EREG: variants seen among roughly 807,000 people sequenced by gnomAD.
EREG encodes proepiregulin.
A neutral mutation model predicts 22.4 loss-of-function variants in EREG; 23 were observed. That is an observed-to-expected ratio of 1.03 (90% CI 0.74 to 1.46). The LOEUF (loss-of-function observed/expected upper bound fraction) is 1.46, where lower values mean the gene tolerates loss of function less well. Ranked by LOEUF, EREG falls within the 40% of genes most tolerant of loss-of-function variation. The pLI, the probability that EREG is intolerant of heterozygous loss-of-function variation, is 0.00. For synonymous variants in EREG, 100 were observed against 75.4 expected (o/e 1.33, Z -1.69); for missense variants, 226 against 205.9 (o/e 1.10, Z -0.60).
Position 74,384,861 on chromosome 4 carries a change from A to G in EREG, c.*53A>G, listed in dbSNP as rs138440902. ...ATAACAGTGTGCCTGGTTAATATTA[A>G]TATTCCCATTTTATTAATAATATTT... On this transcript the variant is annotated 3_prime_UTR_variant, in exon 5 of 5. Transcript: ENST00000244869. The G allele has an allele frequency of 5.0e-6, 5 of 1,007,782 alleles. No individual in the cohort carries two copies. The African/African-American group carries it at 6.4e-5, about 13-fold the overall frequency. The allele number at this position is 1,007,782 out of a possible 1,614,324, so 62.4% of individuals were successfully genotyped here. A position where few individuals can be genotyped will look rare whatever the true frequency, so the allele number is the denominator to read the frequency against.
rs550471626 is a variant in EREG, at chr4:74,387,041, A to T, written c.*2233A>T. 8.5e-5 allele frequency: 13 copies of T among 152,336 alleles called. No individual in the cohort carries two copies. Among genetic ancestry groups the T allele is most frequent in the Admixed American group, 8.5e-4 (13 of 15,294 alleles). 9.4% of individuals were successfully genotyped at this position (152,336 alleles called of 1,614,324 possible). On this transcript the variant is annotated 3_prime_UTR_variant, in exon 5 of 5. Transcript: ENST00000244869. ...CCTAACCTTGAGATCCACCCTCCAC[A>T]GCCTCCCAAACTGCTGGGATTACAG...
chr4:74,371,065 C>G (rs1041604194), intron 1 of EREG, among the ~76,000 whole-genome samples: 5 of 152,100 alleles, frequency 3.3e-5, no homozygotes, highest in Non-Finnish European at 7.4e-5. Flanking sequence ...GTCGTGACAA[C>G]CATCATAGTC....
chr4:74,369,653 A>G (rs1195084057), intron 1 of EREG, among the ~76,000 whole-genome samples: 1 of 152,208 alleles, frequency 6.6e-6, no homozygotes, highest in Non-Finnish European at 1.5e-5. Context: ...TTGAGGCATG[A>G]AAGTGATTGA....
intron 3 of EREG, chr4:74,381,835 A>G (rs796275406): frequency 7.8e-6 from 1 of 127,970 alleles, no homozygotes; most frequent in African/African-American, 3.0e-5. Context: ...AAAAAAAAAA[A>G]TTAGCCAGGG....
chr4:74,373,879 A>G lies in EREG; in HGVS notation c.68-5569A>G, dbSNP rs1379241408. Among the ~76,000 whole-genome samples the G allele has an allele frequency of 3.3e-5, 5 of 152,236 alleles. No individual in the cohort carries two copies. The East Asian group carries it at 7.7e-4, about 23-fold the overall frequency. On this transcript the variant is annotated intron_variant, in intron 1 of 4. Coordinates refer to ENST00000244869, the MANE Select transcript of EREG (RefSeq NM_001432.3). ...AGAGTTATTTTGACCAAGGTGAAGC[A>G]AGAGCTTATCAAATAGTGGAATTAA... is the stretch of plus-strand genomic sequence containing the variant.
rs1338812287 is a variant in EREG, at chr4:74,367,380, T to G, written c.67+2005T>G. 2.0e-5 allele frequency among the ~76,000 whole-genome samples: 3 copies of G among 152,228 alleles called. 1 individual carries two copies. Among genetic ancestry groups the G allele is most frequent in the Admixed American group, 1.3e-4 (2 of 15,280 alleles). The stretch of plus-strand genomic sequence containing the variant: ...TAAGTAGAAGAGTTGAAATACCGGA[T>G]AACATTTTTTTAAATAATCTATAAT... On this transcript the variant is annotated intron_variant, in intron 1 of 4. Coordinates refer to ENST00000244869, the MANE Select transcript of EREG (RefSeq NM_001432.3).
At chr4:74,383,166 A>G (rs908788856) in intron 4 of EREG, among the ~76,000 whole-genome samples, 1 of 152,202 alleles carries the variant, frequency 6.6e-6, no homozygotes, top group African/African-American at 2.4e-5. Context: ...GAGAGTATCA[A>G]TTCCCTTCTT....
At chr4:74,379,179 C>A (rs919966232) in intron 1 of EREG, among the ~76,000 whole-genome samples, 1 of 152,156 alleles carries the variant, frequency 6.6e-6, no homozygotes, top group Admixed American at 6.6e-5. Flanking sequence ...AAAATCAAAT[C>A]TTTGAAAATG....
Position 74,365,194 on chromosome 4 carries a change from C to A in EREG, c.-115C>A. ...GAGGGACACAGCCAACGTGGGGTCC[C>A]TTCTAGGCTGACAGCCGCTCTCCAG... On this transcript the variant is annotated 5_prime_UTR_variant, in exon 1 of 5. Transcript: ENST00000244869. 1.3e-6 allele frequency: 1 copy of A among 784,834 alleles called. No individual in the cohort carries two copies. 48.6% of individuals were successfully genotyped at this position (784,834 alleles called of 1,614,324 possible).
At chr4:74,379,427 T>A in intron 1 of EREG, 21 bp from the exon 2 acceptor site, 1 of 1,429,846 alleles carries the variant, frequency 7.0e-7, no homozygotes, top group Non-Finnish European at 9.9e-7. Flanking sequence ...AGTTATATAT[T>A]CGATTTTTCT....
chr4:74,384,915 A>G lies in EREG; in HGVS notation c.*107A>G, dbSNP rs1047432339. 14 of 583,220 alleles carry G rather than the reference A, an allele frequency of 2.4e-5. No individual in the cohort carries two copies. The highest frequency in any genetic ancestry group is 3.9e-5 in the Non-Finnish European group (13 of 332,696). The allele number at this position is 583,220 out of a possible 1,614,324, so 36.1% of individuals were successfully genotyped here. On this transcript the variant is annotated 3_prime_UTR_variant, in exon 5 of 5. Coordinates refer to ENST00000244869, the MANE Select transcript of EREG (RefSeq NM_001432.3). The stretch of plus-strand genomic sequence containing the variant: ...TTGGGTCAAGTGTTAGGTCAATAAC[A>G]CTGTATTTTAATGTACTTGAAAAAT...
intron 1 of EREG, among the ~76,000 whole-genome samples, chr4:74,375,306 C>CTTTTTTTTTTTTTTTTTT (rs71219383): frequency 1.6e-5 from 1 of 61,014 alleles, no homozygotes; most frequent in Non-Finnish European, 2.7e-5. Context: ...ACTAGCGATT[C>CTTTTTTTTTTTTTTTTTT]TTTTTTTTTT....
Position 74,387,401 on chromosome 4 carries a change from G to A in EREG, c.*2593G>A, listed in dbSNP as rs1752586652. On this transcript the variant is annotated 3_prime_UTR_variant, in exon 5 of 5. Coordinates refer to ENST00000244869, the MANE Select transcript of EREG (RefSeq NM_001432.3). ...TTCATTTACAAAAGATTTATTGTAA[G>A]CATCTCAATCTTGGTTTGTCAGTTT... is the stretch of plus-strand genomic sequence containing the variant. 6.6e-6 allele frequency: 1 copy of A among 152,024 alleles called. No individual in the cohort carries two copies. The highest frequency in any genetic ancestry group is 1.5e-5 in the Non-Finnish European group (1 of 68,022). The allele number at this position is 152,024 out of a possible 1,614,324, so 9.4% of individuals were successfully genotyped here. A position where few individuals can be genotyped will look rare whatever the true frequency, so the allele number is the denominator to read the frequency against.
rs926391363 is a variant in EREG at position 74,385,065 on chromosome 4, A to G, written c.*257A>G. The G allele has an allele frequency of 8.8e-6, 3 of 339,042 alleles. No individual in the cohort carries two copies. Among genetic ancestry groups the G allele is most frequent in the African/African-American group, 2.1e-5 (1 of 47,694 alleles). 21.0% of individuals were successfully genotyped at this position (339,042 alleles called of 1,614,324 possible). On this transcript the variant is annotated 3_prime_UTR_variant, in exon 5 of 5. Coordinates refer to ENST00000244869, the MANE Select transcript of EREG (RefSeq NM_001432.3). Reference sequence around the variant, plus strand: ...TTTCCTGAGCTAAATGCTTCATTGAAAGCTTCAAAGTTTATATGCCTGGTG... The same window carrying G: ...TTTCCTGAGCTAAATGCTTCATTGAGAGCTTCAAAGTTTATATGCCTGGTG...
intron 1 of EREG, among the ~76,000 whole-genome samples, chr4:74,373,172 A>G (rs1008847188): frequency 6.6e-6 from 1 of 151,862 alleles, no homozygotes; most frequent in Non-Finnish European, 1.5e-5. Context: ...CTTTAAATTC[A>G]TATTTAGTGC....
Position 74,385,571 on chromosome 4 carries a change from TG to T in EREG, c.*764del, listed in dbSNP as rs1356192022. On this transcript the variant is annotated 3_prime_UTR_variant, in exon 5 of 5. Transcript: ENST00000244869. ...TCATAGCTTCACAATGTTCCTTTTT[TG>T]TATATTACAACATTTATGTGAGGTA... The T allele has an allele frequency of 7.8e-6, 2 of 256,734 alleles. No homozygotes were observed. The highest frequency in any genetic ancestry group is 1.5e-5 in the Non-Finnish European group (2 of 137,282). 15.9% of individuals were successfully genotyped at this position (256,734 alleles called of 1,614,324 possible). A position where few individuals can be genotyped will look rare whatever the true frequency, so the allele number is the denominator to read the frequency against.
chr4:74,372,215 A>G (rs1752302834), intron 1 of EREG, among the ~76,000 whole-genome samples: 1 of 152,158 alleles, frequency 6.6e-6, no homozygotes, highest in African/African-American at 2.4e-5. Flanking sequence ...ATTTTCATAA[A>G]CTATATTATC....
intron 3 of EREG, 139 bp from the exon 4 acceptor site, chr4:74,382,506 T>C: frequency 1.6e-6 from 1 of 626,528 alleles, no homozygotes; most frequent in Non-Finnish European, 2.8e-6. Flanking sequence ...ACTCAATCTT[T>C]GAAATCCTCT....
At chr4:74,371,129 G>A (rs1390303129) in intron 1 of EREG, among the ~76,000 whole-genome samples, 2 of 152,014 alleles carry the variant, frequency 1.3e-5, no homozygotes, top group Admixed American at 6.5e-5. Flanking sequence ...TTGCCAATGA[G>A]GGATACAATT....
Sources: allele counts gnomAD v4.1 joint callset (sites outside exome capture counted in the v4.1 genomes callset), GRCh38; gene constraint gnomAD v4.1.1; transcripts MANE v1.5; gene names NCBI Gene and HGNC (gene_info 2026-07-23, HGNC 2026-07-21).